RUNX2: variants seen among roughly 807,000 people sequenced by gnomAD.
The protein encoded by RUNX2 is RUNX family transcription factor 2, also known as runt-related transcription factor 2.
RUNX2 carries 10 observed loss-of-function variants against 51.7 expected under a neutral mutation model. The ratio of observed to expected loss-of-function variants is 0.19; its 90% CI spans 0.12 to 0.33. The LOEUF is 0.33. Ranked by LOEUF, RUNX2 falls within the 10% of genes least tolerant of loss-of-function variation. The pLI is 1.00. For synonymous variants in RUNX2, 276 were observed against 273.6 expected (o/e 1.01, Z -0.09); for missense variants, 562 against 691.3 (o/e 0.81, Z 2.10).
chr6:45,443,982 C>T (rs1798916158), intron 5 of RUNX2, among the ~76,000 whole-genome samples: 1 of 152,084 alleles, frequency 6.6e-6, no homozygotes, highest in Non-Finnish European at 1.5e-5. Flanking sequence ...TCCCAAATAG[C>T]TAGGATTACA....
intron 2 of RUNX2, among the ~76,000 whole-genome samples, chr6:45,390,435 T>C (rs1214132380): frequency 6.6e-6 from 1 of 152,236 alleles, no homozygotes; most frequent in Non-Finnish European, 1.5e-5. Context: ...TAAATTATCA[T>C]GTGCTTTTTC....
chr6:45,494,119 A>G (rs1365965703), intron 6 of RUNX2, among the ~76,000 whole-genome samples: 1 of 152,234 alleles, frequency 6.6e-6, no homozygotes, highest in Non-Finnish European at 1.5e-5. Context: ...AAAATTGTGA[A>G]GAGGATCTGT....
chr6:45,463,127 A>G (rs561723339), intron 5 of RUNX2, among the ~76,000 whole-genome samples: 5 of 152,354 alleles, frequency 3.3e-5, no homozygotes, highest in Non-Finnish European at 4.4e-5. Flanking sequence ...TTTAAAAAGA[A>G]GGAGTCTTTA....
rs1025837699 is a variant in RUNX2 at position 45,550,346 on chromosome 6, C to A, written c.*3041C>A. 4 of 152,196 alleles carry A rather than the reference C, an allele frequency of 2.6e-5. No homozygotes were observed. The highest frequency in any genetic ancestry group is 1.3e-4 in the Admixed American group (2 of 15,286). The allele number at this position is 152,196 out of a possible 1,614,324, so 9.4% of individuals were successfully genotyped here. A position where few individuals can be genotyped will look rare whatever the true frequency, so the allele number is the denominator to read the frequency against. ...GTTTGCTCTTTAGACGGTCTCACTG[C>A]CTCTCACTTGCCAGAGCCCTTTCAA... On this transcript the variant is annotated 3_prime_UTR_variant, in exon 9 of 9. Coordinates refer to ENST00000647337, the MANE Select transcript of RUNX2 (RefSeq NM_001024630.4).
At chr6:45,362,850 T>TA (rs111682830) in intron 2 of RUNX2, among the ~76,000 whole-genome samples, 74 of 152,174 alleles carry the variant, frequency 4.9e-4, no homozygotes, top group African/African-American at 1.6e-3. Context: ...TCAGTTTTTT[T>TA]AAAATGGCCC....
intron 2 of RUNX2, among the ~76,000 whole-genome samples, chr6:45,414,386 T>C (rs1041220762): frequency 1.8e-4 from 27 of 152,190 alleles, no homozygotes; most frequent in Admixed American, 1.8e-3. Context: ...CACATTTTTT[T>C]CCCACTTTGA....
In RUNX2 at chr6:45,549,531, T is replaced by C. The variant is rs1174208960; in HGVS notation, c.*2226T>C. 7.6e-6 allele frequency: 3 copies of C among 397,048 alleles called. No individual in the cohort carries two copies. The highest frequency in any genetic ancestry group is 1.3e-5 in the Non-Finnish European group (3 of 225,612). The allele number at this position is 397,048 out of a possible 1,614,324, so 24.6% of individuals were successfully genotyped here. On this transcript the variant is annotated 3_prime_UTR_variant, in exon 9 of 9. Transcript: ENST00000647337. Reference sequence around the variant, plus strand: ...TACTTAAGTAAGAAGGAAGTAGTAATTGATACTATTTATTGTTTGTGTGTG... The same window carrying C: ...TACTTAAGTAAGAAGGAAGTAGTAACTGATACTATTTATTGTTTGTGTGTG...
chr6:45,487,640 A>T (rs1009113166), intron 5 of RUNX2, among the ~76,000 whole-genome samples: 1 of 152,142 alleles, frequency 6.6e-6, no homozygotes, highest in Non-Finnish European at 1.5e-5. Context: ...AAAGAATATG[A>T]TATATATAAT....
chr6:45,533,691 A>C (rs1801935371), intron 7 of RUNX2, among the ~76,000 whole-genome samples: 1 of 152,166 alleles, frequency 6.6e-6, no homozygotes, highest in South Asian at 2.1e-4. Flanking sequence ...TTTAGGCTAA[A>C]TCCTAACAAC....
intron 5 of RUNX2, among the ~76,000 whole-genome samples, chr6:45,488,311 T>C (rs1240350983): frequency 6.6e-6 from 1 of 152,160 alleles, no homozygotes; most frequent in South Asian, 2.1e-4. Flanking sequence ...GATGGGGGAC[T>C]ATTAGAGAGA....
intron 5 of RUNX2, among the ~76,000 whole-genome samples, chr6:45,481,975 C>T (rs1341290183): frequency 6.6e-6 from 1 of 152,140 alleles, no homozygotes; most frequent in Non-Finnish European, 1.5e-5. Flanking sequence ...ATGGAAGCAT[C>T]CCTTGGAAAC....
intron 2 of RUNX2, among the ~76,000 whole-genome samples, chr6:45,362,014 GC>G (rs1198496685): frequency 1.3e-5 from 2 of 152,146 alleles, no homozygotes; most frequent in African/African-American, 4.8e-5. Flanking sequence ...TCAGGCAACT[GC>G]ACTCCAGCGC....
intron 2 of RUNX2, among the ~76,000 whole-genome samples, chr6:45,334,449 CAA>C (rs551014969): frequency 0.17 from 16,021 of 91,974 alleles, 778 homozygotes; most frequent in East Asian, 0.32. Context: ...TCAGGAAAAG[CAA>C]AAAAAAAAAA....
intron 4 of RUNX2, among the ~76,000 whole-genome samples, chr6:45,437,740 C>T (rs149445772): frequency 6.6e-5 from 10 of 152,226 alleles, no homozygotes; most frequent in African/African-American, 1.9e-4. Flanking sequence ...ACAATGAGGA[C>T]GATGATCTTG....
intron 2 of RUNX2, 95 bp from the exon 3 acceptor site, chr6:45,422,498 C>A (rs1406909140): frequency 4.4e-6 from 3 of 674,732 alleles, no homozygotes; most frequent in East Asian, 8.1e-5. Context: ...TCGCCTTCAC[C>A]CCCCCAATTT....
chr6:45,490,792 T>C (rs1046091408), intron 5 of RUNX2, among the ~76,000 whole-genome samples: 1 of 152,206 alleles, frequency 6.6e-6, no homozygotes, highest in Non-Finnish European at 1.5e-5. Flanking sequence ...ATCATCTTGG[T>C]GGTTCTTCCT....
intron 2 of RUNX2, among the ~76,000 whole-genome samples, chr6:45,345,145 G>A (rs772228437): frequency 1.3e-5 from 2 of 152,078 alleles, no homozygotes; most frequent in Non-Finnish European, 2.9e-5. Context: ...AATACAAGAT[G>A]TCAGAATACT....
At chr6:45,429,522 A>T (rs1175800716) in intron 3 of RUNX2, among the ~76,000 whole-genome samples, 1 of 152,224 alleles carries the variant, frequency 6.6e-6, no homozygotes, top group East Asian at 1.9e-4. Context: ...TGACGTGTAC[A>T]GAGAGGAAGT....
intron 2 of RUNX2, among the ~76,000 whole-genome samples, chr6:45,411,068 T>C (rs1015061849): frequency 2.5e-4 from 38 of 152,210 alleles, no homozygotes; most frequent in African/African-American, 8.9e-4. Context: ...AGACCAAGTC[T>C]CCACTCCAAT....
Sources: gnomAD v4.1 joint callset for allele counts (sites outside exome capture counted in the v4.1 genomes callset) on GRCh38, gnomAD v4.1.1 for gene constraint, MANE v1.5 for transcripts, NCBI Gene and HGNC (gene_info 2026-07-23, HGNC 2026-07-21) for gene names.